PTPN9: variants seen among roughly 807,000 people sequenced by gnomAD.
PTPN9 encodes the protein protein tyrosine phosphatase non-receptor type 9.
PTPN9 carries 26 observed loss-of-function variants against 69.8 expected under a neutral mutation model. That is an observed-to-expected ratio of 0.37 (90% CI 0.27 to 0.52). The LOEUF (loss-of-function observed/expected upper bound fraction) is 0.52. Among genes scored for constraint, PTPN9 ranks in the 20% least tolerant of loss-of-function variants. The pLI, the probability that PTPN9 is intolerant of heterozygous loss-of-function variation, is 0.91. For synonymous variants in PTPN9, 274 were observed against 272.5 expected (o/e 1.01, Z -0.05); for missense variants, 549 against 740.3 (o/e 0.74, Z 3.00).
intron 8 of PTPN9, among the ~76,000 whole-genome samples, chr15:75,488,957 C>T (rs1393136719): frequency 6.6e-6 from 1 of 151,844 alleles, no homozygotes; most frequent in African/African-American, 2.4e-5. Flanking sequence ...GGGCGGATCA[C>T]GAGGTCAGGA....
Position 75,505,837 on chromosome 15 carries a change from A to G in PTPN9, c.806T>C (p.Leu269Pro), listed in dbSNP as rs767671900. The change falls in exon 7 of 13, where the codon CTC (leucine) becomes CCC (proline). Residue 269 changes from leucine (L) to proline (P), a missense_variant. Leu to Pro is a moderately conservative substitution (Grantham distance 98). Transcript: ENST00000618819. ...DPFDEIILFS[L>P]PPALDWDSVH... Reference sequence around the variant, plus strand: ...TGAGTCCCAGTCTAAGGCAGGAGGGAGGGAGAACAGGATGATCTCATCGAA... The same window carrying G: ...TGAGTCCCAGTCTAAGGCAGGAGGGGGGGAGAACAGGATGATCTCATCGAA... 6.2e-7 allele frequency: 1 copy of G among 1,614,008 alleles called. No homozygotes were observed. The highest frequency in any genetic ancestry group is 1.3e-5 in the African/African-American group (1 of 74,914).
intron 2 of PTPN9, among the ~76,000 whole-genome samples, 159 bp downstream of exon 2, chr15:75,526,959 C>G (rs1201578104): frequency 6.6e-6 from 1 of 152,168 alleles, no homozygotes; most frequent in South Asian, 2.1e-4. Context: ...AGCTGCCTTG[C>G]CCAGCTTCAG....
In PTPN9 at chr15:75,489,265, C is replaced by T. The variant is rs1248666274; in HGVS notation, c.1062+943G>A. Among the ~76,000 whole-genome samples the T allele has an allele frequency of 2.6e-5, 4 of 151,112 alleles. No individual in the cohort carries two copies. In the East Asian group the frequency reaches 5.8e-4, roughly 22 times the overall value. On this transcript the variant is annotated intron_variant, in intron 8 of 12. Transcript: ENST00000618819. ...TAAAATTTCCAGTCACAATGCCACA[C>T]ACTTAAAAGTAAATAAAGATGTTGT...
At chr15:75,523,869 T>C (rs906332028) in intron 3 of PTPN9, among the ~76,000 whole-genome samples, 1 of 152,112 alleles carries the variant, frequency 6.6e-6, no homozygotes, top group Non-Finnish European at 1.5e-5. Flanking sequence ...AAAATAATTT[T>C]ATACCAAACT....
chr15:75,565,109 T>TATTATA (rs746018472), intron 1 of PTPN9, among the ~76,000 whole-genome samples: 2 of 141,808 alleles, frequency 1.4e-5, no homozygotes, highest in Admixed American at 7.2e-5. Context: ...TCAAAAAATA[T>TATTATA]ATAATAATAA....
chr15:75,502,707 C>T (rs1444007655), intron 7 of PTPN9, among the ~76,000 whole-genome samples: 1 of 151,964 alleles, frequency 6.6e-6, no homozygotes, highest in African/African-American at 2.4e-5. Flanking sequence ...TACCACATAC[C>T]CCTCCTCAAG....
chr15:75,563,139 T>C (rs1165255258), intron 1 of PTPN9, among the ~76,000 whole-genome samples: 1 of 152,176 alleles, frequency 6.6e-6, no homozygotes, highest in East Asian at 1.9e-4. Flanking sequence ...TTTGTGTTCA[T>C]GTGTACTTAA....
chr15:75,471,422 T>A (rs1295708430), intron 10 of PTPN9, among the ~76,000 whole-genome samples: 3 of 151,926 alleles, frequency 2.0e-5, no homozygotes, highest in Non-Finnish European at 4.4e-5. Flanking sequence ...CCAGGCAACA[T>A]GGAAACCCTA....
chr15:75,508,965 C>T lies in PTPN9; in HGVS notation c.591G>A (p.Val197=), dbSNP rs1315319419. ...LIVGAPIWFR[V]PYSIISLLLK... is the part of the protein sequence containing the mutation. ...GGAGGAGACTGATGATGGAATAGGG[C>T]ACTCGGAACCATATGGGTGCCCCCA... Residue 197 remains valine (V), a synonymous_variant, in exon 6 of 13, where the codon GTG becomes GTA. Transcript: ENST00000618819. 11 of 1,614,014 alleles carry T rather than the reference C, an allele frequency of 6.8e-6. 1 individual carries two copies. Among genetic ancestry groups the T allele is most frequent in the East Asian group, 2.2e-5 (1 of 44,904 alleles).
chr15:75,577,771 A>T (rs916959298), intron 1 of PTPN9, among the ~76,000 whole-genome samples: 1 of 151,780 alleles, frequency 6.6e-6, no homozygotes, highest in African/African-American at 2.4e-5. Flanking sequence ...GTTTATTTTT[A>T]TTTTTTTTAT....
chr15:75,516,859 C>T (rs374282213), intron 5 of PTPN9, among the ~76,000 whole-genome samples: 2 of 151,420 alleles, frequency 1.3e-5, no homozygotes, highest in Non-Finnish European at 2.9e-5. Context: ...ATTCTCCTGC[C>T]TCAGCCTCCC....
At chr15:75,474,934 A>G (rs369992359) in intron 9 of PTPN9, among the ~76,000 whole-genome samples, 8 of 152,164 alleles carry the variant, frequency 5.3e-5, no homozygotes, top group Admixed American at 5.2e-4. Context: ...CTTTCGCTCA[A>G]GCTGTCTCCG....
At chr15:75,526,408 C>G (rs900142175) in intron 2 of PTPN9, among the ~76,000 whole-genome samples, 1 of 152,016 alleles carries the variant, frequency 6.6e-6, no homozygotes, top group Non-Finnish European at 1.5e-5. Flanking sequence ...CAGATGTAAC[C>G]AAACTTCAGT....
At chr15:75,548,744 C>T (rs371258123) in intron 1 of PTPN9, among the ~76,000 whole-genome samples, 98 of 149,998 alleles carry the variant, frequency 6.5e-4, no homozygotes, top group Admixed American at 1.8e-3. Flanking sequence ...AGCTCTGCCA[C>T]CAGGGTTCAC....
intron 1 of PTPN9, among the ~76,000 whole-genome samples, chr15:75,561,839 A>G (rs144666696): frequency 0.012 from 1,866 of 151,986 alleles, 23 homozygotes; most frequent in South Asian, 0.035. Context: ...CCTCCCAAGT[A>G]GCTGGGATTA....
chr15:75,498,347 G>T lies in PTPN9; in HGVS notation c.968+7328C>A, dbSNP rs182312759. Among the ~76,000 whole-genome samples, 419 of 152,118 alleles carry T rather than the reference G, an allele frequency of 2.8e-3. 2 individuals are homozygous for T. The highest frequency in any genetic ancestry group is 9.5e-3 in the African/African-American group (396 of 41,492). On this transcript the variant is annotated intron_variant, in intron 7 of 12. Transcript: ENST00000618819. ...CAACAATTTGGAAAGGACAAAATTAGAGAAATGGAGAATAGATTAGTGGTT... is the reference window on the plus strand; with the variant it reads ...CAACAATTTGGAAAGGACAAAATTATAGAAATGGAGAATAGATTAGTGGTT...
chr15:75,503,521 A>T (rs1280505319), intron 7 of PTPN9, among the ~76,000 whole-genome samples: 16 of 146,498 alleles, frequency 1.1e-4, no homozygotes, highest in African/African-American at 4.1e-4. Context: ...TCCGCCCGGC[A>T]GCCGCCCCGT....
chr15:75,562,140 A>G (rs1301631141), intron 1 of PTPN9, among the ~76,000 whole-genome samples: 1 of 152,178 alleles, frequency 6.6e-6, no homozygotes, highest in Non-Finnish European at 1.5e-5. Flanking sequence ...GGCATGACCC[A>G]CTGCGCCTGG....
chr15:75,571,243 G>A (rs1049269952), intron 1 of PTPN9, among the ~76,000 whole-genome samples: 4 of 152,068 alleles, frequency 2.6e-5, no homozygotes, highest in Non-Finnish European at 4.4e-5. Flanking sequence ...CTAGGTGACA[G>A]AACAAGACTG....
Sources: gnomAD v4.1 joint callset for allele counts (sites outside exome capture counted in the v4.1 genomes callset) on GRCh38, gnomAD v4.1.1 for gene constraint, MANE v1.5 for transcripts, NCBI Gene and HGNC (gene_info 2026-07-23, HGNC 2026-07-21) for gene names.